ARHGAP32: variants seen among roughly 807,000 people sequenced by gnomAD.
ARHGAP32 encodes rho GTPase-activating protein 32.
Under a neutral mutation model 186.5 loss-of-function variants are expected in ARHGAP32, and 51 were observed. The ratio of observed to expected loss-of-function variants is 0.27; its 90% confidence interval spans 0.22 to 0.35. The LOEUF (loss-of-function observed/expected upper bound fraction) is 0.35, where lower values mean the gene tolerates loss of function less well. Among genes scored for constraint, ARHGAP32 ranks in the 10% least tolerant of loss-of-function variants. The probability of loss-of-function intolerance (pLI) is 1.00; values close to 1 mark genes in which losing one functional copy is unlikely to be tolerated. For missense variants in ARHGAP32, 2,186 were observed against 2,623.5 expected, an observed-to-expected ratio of 0.83 and a Z score of 3.64; for synonymous variants, 950 against 964.3, an observed-to-expected ratio of 0.99 and a Z score of 0.27.
intron 6 of ARHGAP32, among the ~76,000 whole-genome samples, chr11:129,068,246 C>A (rs1015934263): frequency 8.6e-5 from 13 of 152,030 alleles, no homozygotes; most frequent in African/African-American, 3.1e-4. Context: ...TTACTCCATG[C>A]CCTTTCTTGG....
intron 5 of ARHGAP32, among the ~76,000 whole-genome samples, chr11:129,094,849 G>A (rs1941686547): frequency 6.6e-6 from 1 of 152,124 alleles, no homozygotes; most frequent in African/African-American, 2.4e-5. Flanking sequence ...TGACCTACCT[G>A]CTTAGGCTCT....
At chr11:129,277,578 TCCAGA>T (rs747082195) in intron 1 of ARHGAP32, among the ~76,000 whole-genome samples, 1 of 152,234 alleles carries the variant, frequency 6.6e-6, no homozygotes, top group Non-Finnish European at 1.5e-5. Flanking sequence ...CTTAGCTGTG[TCCAGA>T]CAAGTCTCTG....
intron 1 of ARHGAP32, among the ~76,000 whole-genome samples, chr11:129,219,804 T>C (rs1032475044): frequency 1.3e-5 from 2 of 152,046 alleles, no homozygotes; most frequent in Admixed American, 6.6e-5. Flanking sequence ...ATGCTCCTAC[T>C]TACAAACAAA....
intron 6 of ARHGAP32, among the ~76,000 whole-genome samples, chr11:129,067,518 CCAT>C (rs1329131077): frequency 2.0e-5 from 3 of 152,116 alleles, no homozygotes; most frequent in Admixed American, 1.3e-4. Context: ...TCAGTAAGAA[CCAT>C]CATCATTTCT....
At chr11:129,143,737 T>C (rs1182879010) in intron 2 of ARHGAP32, among the ~76,000 whole-genome samples, 1 of 151,032 alleles carries the variant, frequency 6.6e-6, no homozygotes, top group Non-Finnish European at 1.5e-5. Flanking sequence ...AAAGAAATCA[T>C]ACACTGAGGC....
At chr11:129,207,244 G>T (rs925169219) in intron 1 of ARHGAP32, among the ~76,000 whole-genome samples, 1 of 152,040 alleles carries the variant, frequency 6.6e-6, no homozygotes, top group East Asian at 1.9e-4. Context: ...AATCCTTTGG[G>T]TATATACCCA....
intron 11 of ARHGAP32, among the ~76,000 whole-genome samples, chr11:129,005,331 T>C (rs1937705943): frequency 6.6e-6 from 1 of 152,206 alleles, no homozygotes; most frequent in Admixed American, 6.5e-5. Flanking sequence ...GTCTGTGTAC[T>C]TACTATTACC....
rs569016204 is a variant in ARHGAP32 at position 129,254,430 on chromosome 11, G to A, written c.-5+24716C>T. The stretch of plus-strand genomic sequence containing the variant: ...CCCCACAAAGAAAATAAGTAAACAT[G>A]ATTTTAAAATGGTCACTTTTGAAGA... On this transcript the variant is annotated intron_variant, in intron 1 of 6. Coordinates refer to the ARHGAP32 transcript ENST00000525234. Among the ~76,000 whole-genome samples, 3 of 152,048 alleles carry A rather than the reference G, an allele frequency of 2.0e-5. No individual in the cohort carries two copies. In the East Asian group the frequency reaches 5.8e-4, roughly 29 times the overall value.
At chr11:129,143,990 T>C (rs1320353368) in intron 2 of ARHGAP32, among the ~76,000 whole-genome samples, 2 of 152,212 alleles carry the variant, frequency 1.3e-5, no homozygotes, top group Non-Finnish European at 2.9e-5. Flanking sequence ...AAGGAAACTA[T>C]TGTACCATCA....
At chr11:129,200,287 A>G (rs184022610) in intron 1 of ARHGAP32, among the ~76,000 whole-genome samples, 21 of 152,240 alleles carry the variant, frequency 1.4e-4, no homozygotes, top group Non-Finnish European at 2.5e-4. Flanking sequence ...GGGAGGGGCC[A>G]GGGACAGAAT....
At chr11:129,227,120 G>A (rs1944795131) in intron 1 of ARHGAP32, among the ~76,000 whole-genome samples, 1 of 151,996 alleles carries the variant, frequency 6.6e-6, no homozygotes, top group South Asian at 2.1e-4. Flanking sequence ...TACAAAGGAA[G>A]GGGAAGGGAA....
intron 12 of ARHGAP32, among the ~76,000 whole-genome samples, chr11:128,992,673 G>A (rs1407906796): frequency 6.6e-6 from 1 of 152,008 alleles, no homozygotes; most frequent in Admixed American, 6.6e-5. Context: ...TGTAATCCCA[G>A]CTACTCAGGA....
chr11:129,229,571 C>T (rs1018724423), intron 1 of ARHGAP32, among the ~76,000 whole-genome samples: 3 of 152,144 alleles, frequency 2.0e-5, no homozygotes, highest in Non-Finnish European at 4.4e-5. Context: ...AATCCCAATG[C>T]TGCCTTAACT....
chr11:128,980,352 G>C (rs999313084), intron 18 of ARHGAP32: 2 of 428,224 alleles, frequency 4.7e-6, no homozygotes, highest in East Asian at 7.4e-5. Context: ...AAAATTACAT[G>C]ACATTGTAAA....
At chr11:129,017,144 T>C (rs1938383413) in intron 11 of ARHGAP32, among the ~76,000 whole-genome samples, 1 of 152,188 alleles carries the variant, frequency 6.6e-6, no homozygotes, top group South Asian at 2.1e-4. Context: ...ATTCTCAGTA[T>C]TTCATTTTCC....
chr11:128,989,415 T>A (rs1290508045), intron 12 of ARHGAP32, among the ~76,000 whole-genome samples: 1 of 151,418 alleles, frequency 6.6e-6, no homozygotes, highest in East Asian at 1.9e-4. Context: ...TTAGAGAGAG[T>A]AAGTTTTACC....
Position 129,027,887 on chromosome 11 carries a change from A to G in ARHGAP32, c.1045+13041T>C, listed in dbSNP as rs146229664. On this transcript the variant is annotated intron_variant, in intron 11 of 22. Transcript: ENST00000682385. ...GTCTGGTGTGTTCACTGTTTTAGCC[A>G]TAGCACTTAGTATGCACTCGATAAA... 2.3e-3 allele frequency among the ~76,000 whole-genome samples: 355 copies of G among 152,364 alleles called. 2 individuals carry two copies. Among genetic ancestry groups the G allele is most frequent in the Non-Finnish European group, 2.2e-3 (151 of 68,032 alleles).
intron 20 of ARHGAP32, among the ~76,000 whole-genome samples, chr11:128,976,324 T>G (rs528664266): frequency 6.6e-6 from 1 of 152,250 alleles, no homozygotes; most frequent in African/African-American, 2.4e-5. Context: ...CTTGAAATAT[T>G]TTGGCTACTT....
At chr11:128,972,282 T>C (rs1488354489) in intron 22 of ARHGAP32, 171 bp downstream of exon 22, 1 of 587,826 alleles carries the variant, frequency 1.7e-6, no homozygotes, top group Non-Finnish European at 2.7e-6. Context: ...AAAGCCAGCA[T>C]CAAGGTAATG....
Sources: allele counts gnomAD v4.1 joint callset (sites outside exome capture counted in the v4.1 genomes callset), GRCh38; gene constraint gnomAD v4.1.1; transcripts MANE v1.5; gene names NCBI Gene and HGNC (gene_info 2026-07-23, HGNC 2026-07-21).